Variants in CRY1 observed in about 807,000 individuals in gnomAD.
The protein encoded by CRY1 is cryptochrome circadian regulator 1.
Under a neutral mutation model 76.0 loss-of-function variants are expected in CRY1, and 45 were observed. That is an observed-to-expected ratio of 0.59 (90% CI 0.47 to 0.76). CRY1 has a LOEUF of 0.76. Ranked by LOEUF, CRY1 falls within the 30% of genes least tolerant of loss-of-function variation. The pLI, the probability that CRY1 is intolerant of heterozygous loss-of-function variation, is 0.00. For missense variants in CRY1, 587 were observed against 716.4 expected (o/e 0.82, Z 2.06); for synonymous variants, 248 against 244.0 (o/e 1.02, Z -0.15).
chr12:107,020,752 T>C (rs1952547104), intron 2 of CRY1, among the ~76,000 whole-genome samples: 1 of 152,162 alleles, frequency 6.6e-6, no homozygotes, highest in Non-Finnish European at 1.5e-5. Context: ...GTCTCAGATA[T>C]TTCTTTGCAG....
rs184722004 is a variant in CRY1, at chr12:107,040,783, T to G, written c.159-18591A>C. 8.5e-5 allele frequency among the ~76,000 whole-genome samples: 13 copies of G among 152,246 alleles called. No individual in the cohort carries two copies. In the East Asian group the frequency reaches 2.1e-3, roughly 25 times the overall value. On this transcript the variant is annotated intron_variant, in intron 1 of 12. Coordinates refer to ENST00000008527, the MANE Select transcript of CRY1 (RefSeq NM_004075.5). ...TAGAATCCTAAATCTGACGTGATAT[T>G]CTGTAACAAAAAAGGTCAATTACTA...
At chr12:106,999,011 C>T (rs1485364881) in intron 7 of CRY1, among the ~76,000 whole-genome samples, 1 of 144,994 alleles carries the variant, frequency 6.9e-6, no homozygotes, top group African/African-American at 2.6e-5. Context: ...CATTGCACCC[C>T]GGCCTGGGCT....
At chr12:107,058,399 C>T (rs550266704) in intron 1 of CRY1, among the ~76,000 whole-genome samples, 1 of 152,092 alleles carries the variant, frequency 6.6e-6, no homozygotes, top group South Asian at 2.1e-4. Flanking sequence ...TAACAGAACA[C>T]CACAGACACA....
At chr12:107,069,604 ATATATATAAAAAGTATATATATATAAAG>A (rs1180382187) in intron 1 of CRY1, among the ~76,000 whole-genome samples, 1 of 40,324 alleles carries the variant, frequency 2.5e-5, no homozygotes, top group Non-Finnish European at 7.8e-5. Context: ...TATATAAAGT[ATATATATAAAAAGTATATATATATAAAG>A]TATATATATA....
At chr12:107,090,858 G>A (rs1953462684) in intron 1 of CRY1, among the ~76,000 whole-genome samples, 1 of 151,890 alleles carries the variant, frequency 6.6e-6, no homozygotes, top group South Asian at 2.1e-4. Context: ...CAAACTTAAT[G>A]ACTTAATGAA....
chr12:107,026,160 T>TATATATATATATTACATATATATATATA (rs1166056898), intron 1 of CRY1, among the ~76,000 whole-genome samples: 1 of 75,908 alleles, frequency 1.3e-5, no homozygotes, highest in Non-Finnish European at 2.2e-5. Context: ...ATATATAAAA[T>TATATATATATATTACATATATATATATA]ATATATATAT....
At chr12:107,069,226 ATTT>A (rs78170490) in intron 1 of CRY1, among the ~76,000 whole-genome samples, 3 of 137,830 alleles carry the variant, frequency 2.2e-5, no homozygotes. Flanking sequence ...TTCCGTTTAA[ATTT>A]TTTTTTTTTT....
intron 1 of CRY1, 103 bp downstream of exon 1, chr12:107,092,701 A>G (rs1415045449): frequency 2.0e-6 from 3 of 1,512,184 alleles, no homozygotes; most frequent in Non-Finnish European, 2.7e-6. Context: ...TATAAGCAAG[A>G]CAGTCCCACG....
In CRY1 at chr12:107,044,386, C is replaced by T. The variant is rs140918035; in HGVS notation, c.159-22194G>A. 3.9e-5 allele frequency among the ~76,000 whole-genome samples: 6 copies of T among 152,282 alleles called. No individual in the cohort carries two copies. In the East Asian group the frequency reaches 7.7e-4, roughly 20 times the overall value. On this transcript the variant is annotated intron_variant, in intron 1 of 12. Transcript: ENST00000008527. ...CCACAAAGTTCTACAGCCTAGGCTACTGAGGTGCCCACAGTTATTGCTGAT... is the reference window on the plus strand; with the variant it reads ...CCACAAAGTTCTACAGCCTAGGCTATTGAGGTGCCCACAGTTATTGCTGAT...
chr12:107,029,381 C>T (rs1952651870), intron 1 of CRY1, among the ~76,000 whole-genome samples: 1 of 151,996 alleles, frequency 6.6e-6, no homozygotes, highest in Admixed American at 6.6e-5. Flanking sequence ...CACTTGAGCG[C>T]AGGAGTTTGA....
chr12:107,090,074 CTTCT>C (rs1464475288), intron 1 of CRY1, among the ~76,000 whole-genome samples: 1 of 151,708 alleles, frequency 6.6e-6, no homozygotes, highest in African/African-American at 2.4e-5. Context: ...AAATATTTTC[CTTCT>C]TTCTTTTTTT....
chr12:107,037,003 C>T (rs751799234), intron 1 of CRY1, among the ~76,000 whole-genome samples: 1 of 152,034 alleles, frequency 6.6e-6, no homozygotes, highest in Non-Finnish European at 1.5e-5. Flanking sequence ...TGTATCTCAC[C>T]CCCACTCAGA....
intron 1 of CRY1, among the ~76,000 whole-genome samples, chr12:107,067,673 AAC>A (rs1953129233): frequency 6.6e-6 from 1 of 152,208 alleles, no homozygotes; most frequent in Non-Finnish European, 1.5e-5. Context: ...AGGAGTAAAT[AAC>A]AGTCTATACA....
At position 107,001,953 on chromosome 12, in the gene CRY1, A is replaced by C. The variant is rs749000696; in HGVS notation, c.411-5T>G. 3 of 1,565,710 alleles carry C rather than the reference A, an allele frequency of 1.9e-6. No individual in the cohort carries two copies. The highest frequency in any genetic ancestry group is 2.6e-6 in the Non-Finnish European group (3 of 1,165,326). On this transcript the variant is annotated splice_polypyrimidine_tract_variant and splice_region_variant and intron_variant, in intron 3 of 12. Transcript: ENST00000008527. Reference sequence around the variant, plus strand: ...CCACCATTGAGTTCTATGATCCTATAACAAGAGTTAGTAAAATGTAGTTAG... The same window carrying C: ...CCACCATTGAGTTCTATGATCCTATCACAAGAGTTAGTAAAATGTAGTTAG...
intron 2 of CRY1, among the ~76,000 whole-genome samples, chr12:107,008,214 C>A (rs1952397300): frequency 6.6e-6 from 1 of 152,182 alleles, no homozygotes; most frequent in South Asian, 2.1e-4. Flanking sequence ...CCTAAACTCA[C>A]CAATGAGATC....
chr12:107,081,020 T>G (rs1247672599), intron 1 of CRY1, among the ~76,000 whole-genome samples: 1 of 151,974 alleles, frequency 6.6e-6, no homozygotes, highest in African/African-American at 2.4e-5. Context: ...AGAATAAATA[T>G]AAAAAATGAG....
At chr12:107,088,667 G>A (rs1056752990) in intron 1 of CRY1, among the ~76,000 whole-genome samples, 1 of 152,156 alleles carries the variant, frequency 6.6e-6, no homozygotes, top group Non-Finnish European at 1.5e-5. Context: ...TAGTCTAAAG[G>A]TATTTTGTTA....
rs116592815 is a variant in CRY1, at chr12:107,076,770, G to A, written c.158+16034C>T. ...AGGTGGGGCCTACTGGGAGGTGACT[G>A]GATCAAAAGGGCAGGTTTCTCGAAT... is the stretch of plus-strand genomic sequence containing the variant. On this transcript the variant is annotated intron_variant, in intron 1 of 12. Transcript: ENST00000008527. Among the ~76,000 whole-genome samples the A allele has an allele frequency of 8.3e-3, 1,265 of 152,214 alleles. 14 individuals carry two copies. The highest frequency in any genetic ancestry group is 0.029 in the African/African-American group (1,187 of 41,538).
At chr12:107,020,285 A>G (rs1257362955) in intron 2 of CRY1, among the ~76,000 whole-genome samples, 3 of 152,230 alleles carry the variant, frequency 2.0e-5, no homozygotes, top group African/African-American at 4.8e-5. Context: ...TACATTAAGA[A>G]ATACAAATAG....
Sources: gnomAD v4.1 joint callset for allele counts (sites outside exome capture counted in the v4.1 genomes callset) on GRCh38, gnomAD v4.1.1 for gene constraint, MANE v1.5 for transcripts, NCBI Gene and HGNC (gene_info 2026-07-23, HGNC 2026-07-21) for gene names.